The following NTRK1 variants were observed in gnomAD, a reference collection of about 807,000 sequenced individuals.
The protein encoded by NTRK1 is neurotrophic receptor tyrosine kinase 1.
NTRK1 carries 62 observed loss-of-function variants against 86.8 expected under a neutral mutation model. The ratio of observed to expected loss-of-function variants is 0.71; its 90% CI spans 0.58 to 0.88. NTRK1 has a LOEUF of 0.88. NTRK1 is among the 40% of genes least tolerant of loss of function. NTRK1 has a pLI of 0.00. For synonymous variants in NTRK1, 469 were observed against 456.6 expected, an observed-to-expected ratio of 1.03 and a Z score of -0.35; for missense variants, 967 against 1,078.4, an observed-to-expected ratio of 0.90 and a Z score of 1.45.
At chr1:156,871,823 G>A (rs2102900671) in intron 7 of NTRK1, 68 bp downstream of exon 7, 2 of 1,605,900 alleles carry the variant, frequency 1.2e-6, no homozygotes, top group Non-Finnish European at 1.7e-6. Context: ...AGAGGATGTA[G>A]GGTGGGGGGC....
chr1:156,847,971 T>C (rs1039699615), intron 2 of NTRK1, among the ~76,000 whole-genome samples: 8 of 151,958 alleles, frequency 5.3e-5, no homozygotes, highest in Non-Finnish European at 1.0e-4. Context: ...CTCCTTAGAG[T>C]GCAGTCCACA....
chr1:156,817,047 T>TTCTCCCTCTCTCTCTCTCTCTC (rs148320709), intron 1 of NTRK1, among the ~76,000 whole-genome samples: 17 of 113,862 alleles, frequency 1.5e-4, no homozygotes, highest in South Asian at 3.2e-4. Flanking sequence ...GAACTTCCCT[T>TTCTCCCTCTCTCTCTCTCTCTC]TCTCTCTCTC....
rs764992664 is a variant in NTRK1, at chr1:156,879,276, C to T, written c.1960C>T (p.Arg654Cys). Reference sequence around the variant, plus strand: ...TTTTGTGCACCGGGACCTGGCCACACGCAACTGTCTAGTGGGCCAGGGACT... The same window carrying T: ...TTTTGTGCACCGGGACCTGGCCACATGCAACTGTCTAGTGGGCCAGGGACT... ...LHFVHRDLAT[R>C]NCLVGQGLVV... The change falls in exon 15 of 17, where the codon CGC becomes TGC. Residue 654 changes from arginine (R) to cysteine (C), a missense_variant. Physicochemically the swap from Arg to Cys is radical, Grantham distance 180. Coordinates refer to ENST00000524377, the MANE Select transcript of NTRK1 (RefSeq NM_002529.4). 6 of 1,613,854 alleles carry T rather than the reference C, an allele frequency of 3.7e-6. No homozygotes were observed. The highest frequency in any genetic ancestry group is 1.7e-5 in the Admixed American group (1 of 60,028).
intron 6 of NTRK1, among the ~76,000 whole-genome samples, chr1:156,869,018 C>CCCTTCCTT (rs773795513): frequency 0.034 from 1,426 of 41,924 alleles, 19 homozygotes; most frequent in Middle Eastern, 0.075. Flanking sequence ...TTTTCTCTCT[C>CCCTTCCTT]CCTTCCTTCC....
At position 156,879,290 on chromosome 1, in the gene NTRK1, G is replaced by C. The variant is rs1648106591; in HGVS notation, c.1974G>C (p.Val658=). The part of the protein sequence containing the change: ...HRDLATRNCL[V]GQGLVVKIGD... ...ACCTGGCCACACGCAACTGTCTAGT[G>C]GGCCAGGGACTGGTGGTCAAGATTG... The change falls in exon 15 of 17, where the codon GTG becomes GTC. Residue 658 remains valine (V), a synonymous_variant. Coordinates refer to ENST00000524377, the MANE Select transcript of NTRK1 (RefSeq NM_002529.4). The C allele has an allele frequency of 1.2e-6, 2 of 1,613,576 alleles. No individual in the cohort carries two copies. Among genetic ancestry groups the C allele is most frequent in the Middle Eastern group, 1.6e-4 (1 of 6,062 alleles).
At chr1:156,879,057 GC>G in intron 14 of NTRK1, 64 bp from the exon 15 acceptor site, 1 of 1,593,792 alleles carries the variant, frequency 6.3e-7, no homozygotes, top group East Asian at 2.2e-5. Flanking sequence ...GCTGGGGATC[GC>G]CTTCCTCAGG....
chr1:156,875,801 T>C (rs1355471438), intron 12 of NTRK1, 135 bp downstream of exon 12: 1 of 1,230,796 alleles, frequency 8.1e-7, no homozygotes, highest in Non-Finnish European at 1.1e-6. Context: ...ATTCCAGCCA[T>C]AGGCCCTGTC....
Position 156,854,407 on chromosome 1 carries a change from G to T in NTRK1, c.51-9947G>T. The T allele has an allele frequency of 8.3e-7, 1 of 1,202,314 alleles. No individual in the cohort carries two copies. The highest frequency in any genetic ancestry group is 1.1e-6 in the Non-Finnish European group (1 of 870,698). 74.5% of individuals were successfully genotyped at this position (1,202,314 alleles called of 1,614,324 possible). A position where few individuals can be genotyped will look rare whatever the true frequency, so the allele number is the denominator to read the frequency against. On this transcript the variant is annotated intron_variant, in intron 2 of 16. Transcript: ENST00000392302. The surrounding 1 kb of genome is among the most constrained non-coding windows in gnomAD (Gnocchi z 4.2). ...AGCCACACTGGCAGTAGGACAATGA[G>T]TGAGGAGCCGGGCTCTGCTCTGGGT...
At chr1:156,855,212 T>TATC (rs60194471) in intron 2 of NTRK1, among the ~76,000 whole-genome samples, 767 of 28,552 alleles carry the variant, frequency 0.027, 9 homozygotes, top group African/African-American at 0.063. Context: ...ATCTATCTAT[T>TATC]TATTTATTTG....
chr1:156,868,688 A>T, intron 6 of NTRK1, 41 bp downstream of exon 6: 1 of 1,548,034 alleles, frequency 6.5e-7, no homozygotes. Context: ...AGGTCCAGGC[A>T]GAGCACAGGG....
chr1:156,824,776 C>T (rs1246524329), intron 1 of NTRK1, among the ~76,000 whole-genome samples: 1 of 152,208 alleles, frequency 6.6e-6, no homozygotes, highest in Non-Finnish European at 1.5e-5. Flanking sequence ...CCTAGGAGCT[C>T]ACCAAAGACT....
intron 2 of NTRK1, among the ~76,000 whole-genome samples, chr1:156,847,050 AGT>A (rs1337405086): frequency 6.6e-6 from 1 of 152,198 alleles, no homozygotes; most frequent in East Asian, 1.9e-4. Flanking sequence ...AAAACAAGAA[AGT>A]GTGTGTGAAA....
At chr1:156,841,723 G>T in intron 1 of NTRK1, 3 of 1,614,106 alleles carry the variant, frequency 1.9e-6, no homozygotes, top group East Asian at 2.2e-5. Context: ...GCCATCCAGC[G>T]CACGGGCAGC....
intron 2 of NTRK1, chr1:156,851,939 T>C: frequency 6.2e-7 from 1 of 1,604,256 alleles, no homozygotes; most frequent in Non-Finnish European, 8.5e-7. Context: ...GCAACTGCCC[T>C]GGTGTATGCC....
In NTRK1 at chr1:156,874,965, T is replaced by C. The variant is rs2102912215; in HGVS notation, c.1311T>C (p.Leu437=). The part of the protein sequence containing the change: ...FACLFLSTLL[L]VLNKCGRRNK... ...GCCTCTTCCTTTCTACGCTGCTCCT[T>C]GTGCTCAACAAATGTGGACGGAGAA... The change falls in exon 11 of 17, where the codon CTT becomes CTC. Residue 437 remains leucine, a synonymous_variant. Coordinates refer to ENST00000524377, the MANE Select transcript of NTRK1 (RefSeq NM_002529.4). 1 of 1,613,900 alleles carries C rather than the reference T, an allele frequency of 6.2e-7. No homozygotes were observed. Among genetic ancestry groups the C allele is most frequent in the East Asian group, 2.2e-5 (1 of 44,842 alleles).
At chr1:156,874,185 A>G (rs2102907764) in intron 8 of NTRK1, 198 bp from the exon 9 acceptor site, 2 of 944,686 alleles carry the variant, frequency 2.1e-6, no homozygotes, top group Non-Finnish European at 3.3e-6. Flanking sequence ...GGAGACAGCC[A>G]TGCAGCAGGG....
chr1:156,821,410 G>T (rs1445505789), intron 1 of NTRK1, among the ~76,000 whole-genome samples: 2 of 151,728 alleles, frequency 1.3e-5, no homozygotes, highest in African/African-American at 4.8e-5. Context: ...AGTGGTGTAG[G>T]CTGGTGCTAC....
At chr1:156,857,204 T>C (rs889352790), upstream of NTRK1, among the ~76,000 whole-genome samples, 2 of 141,340 alleles carry the variant, frequency 1.4e-5, no homozygotes, top group Non-Finnish European at 3.1e-5. Context: ...TGTGTGTGTG[T>C]GTGTGTGTGT....
chr1:156,816,903 C>T, intron 1 of NTRK1: 1 of 449,558 alleles, frequency 2.2e-6, no homozygotes, highest in Non-Finnish European at 3.9e-6. Flanking sequence ...CCCCGGAAGC[C>T]ACGCAGCTGT....
Sources: allele counts gnomAD v4.1 joint callset (sites outside exome capture counted in the v4.1 genomes callset), GRCh38; gene constraint gnomAD v4.1.1; non-coding constraint Gnocchi (gnomAD v3.1); transcripts MANE v1.5; gene names NCBI Gene and HGNC (gene_info 2026-07-23, HGNC 2026-07-21).